CDCA8: variants seen among roughly 807,000 people sequenced by gnomAD.
CDCA8 encodes the protein borealin.
A neutral mutation model predicts 40.0 loss-of-function variants in CDCA8; 25 were observed. The ratio of observed to expected loss-of-function variants is 0.63; its 90% CI spans 0.46 to 0.87. CDCA8 has a LOEUF of 0.87. Among genes scored for constraint, CDCA8 ranks in the 40% least tolerant of loss-of-function variants. CDCA8 has a pLI of 0.00. For synonymous variants in CDCA8, 111 were observed against 126.5 expected, an observed-to-expected ratio of 0.88 and a Z score of 0.82; for missense variants, 280 against 348.4, an observed-to-expected ratio of 0.80 and a Z score of 1.56.
rs557403391 is a variant in CDCA8 at position 37,703,156 on chromosome 1, A to G, written c.489-96A>G. The G allele has an allele frequency of 7.6e-6, 7 of 920,816 alleles. No individual in the cohort carries two copies. In the South Asian group the frequency reaches 9.1e-5, roughly 12 times the overall value. The allele number at this position is 920,816 out of a possible 1,614,324, so 57.0% of individuals were successfully genotyped here. A position where few individuals can be genotyped will look rare whatever the true frequency, so the allele number is the denominator to read the frequency against. On this transcript the variant is annotated intron_variant, in intron 6 of 9. Coordinates refer to ENST00000373055, the MANE Select transcript of CDCA8 (RefSeq NM_001256875.2). ...TCGATGTGTGCGAGGCGCCCGGAGCAGTATCTCACAGTCAGCTCTCCACGT... is the reference window on the plus strand; with the variant it reads ...TCGATGTGTGCGAGGCGCCCGGAGCGGTATCTCACAGTCAGCTCTCCACGT...
Position 37,701,813 on chromosome 1 carries a change from G to A in CDCA8, c.483G>A (p.Gly161=), listed in dbSNP as rs1456112447. ...RTQSIQGKGK[G]KRSSRANTVT... is the part of the protein sequence containing the mutation. ...AGTCCATACAAGGAAAAGGAAAAGG[G>A]AAAAGGTAGTGGATTTTCTAAAGTT... The change falls in exon 6 of 10, where the codon GGG becomes GGA. Residue 161 remains glycine, a synonymous_variant. Transcript: ENST00000373055. 3 of 1,612,364 alleles carry A rather than the reference G, an allele frequency of 1.9e-6. No individual in the cohort carries two copies. The highest frequency in any genetic ancestry group is 2.7e-5 in the African/African-American group (2 of 74,840).
intron 2 of CDCA8, among the ~76,000 whole-genome samples, chr1:37,694,927 G>A (rs568076729): frequency 1.3e-5 from 2 of 152,248 alleles, no homozygotes; most frequent in East Asian, 3.9e-4. Flanking sequence ...CTAGATTTTT[G>A]CCAGAAGCAA....
In CDCA8 at chr1:37,699,576, AAG is replaced by A. The variant is rs1158113513; in HGVS notation, c.337+601_337+602del. 4.9e-3 allele frequency among the ~76,000 whole-genome samples: 676 copies of A among 138,174 alleles called. 9 individuals are homozygous for A. The highest frequency in any genetic ancestry group is 0.017 in the African/African-American group (646 of 37,472). 90.6% of individuals were successfully genotyped at this position (138,174 alleles called of 152,430 possible). A position where few individuals can be genotyped will look rare whatever the true frequency, so the allele number is the denominator to read the frequency against. ...GTGAGACCTTGTCTCTGAAAAAAAAAAGAAAGAAAGAAAGGAAAGGAAAGGAA... is the reference window on the plus strand; with the variant it reads ...GTGAGACCTTGTCTCTGAAAAAAAAAAAAGAAAGAAAGGAAAGGAAAGGAA... On this transcript the variant is annotated intron_variant, in intron 4 of 9. Coordinates refer to ENST00000373055, the MANE Select transcript of CDCA8 (RefSeq NM_001256875.2).
At chr1:37,702,478 T>G (rs1557517836) in intron 6 of CDCA8, among the ~76,000 whole-genome samples, 2 of 152,196 alleles carry the variant, frequency 1.3e-5, no homozygotes, top group African/African-American at 4.8e-5. Context: ...TTGATTATAC[T>G]GGACTCTACC....
rs79842961 is a variant in CDCA8, at chr1:37,701,699, C to G, written c.424-55C>G. On this transcript the variant is annotated intron_variant, in intron 5 of 9. Transcript: ENST00000373055. ...AAAAAAAAAAAAAAAACCCTCCTTA[C>G]CTTCCTCTTTGCTGGGTTTTTTGTA... The G allele has an allele frequency of 2.6e-3, 2,922 of 1,126,878 alleles. 67 individuals carry two copies. The African/African-American group carries it at 0.042, about 16-fold the overall frequency. 69.8% of individuals were successfully genotyped at this position (1,126,878 alleles called of 1,614,324 possible). A position where few individuals can be genotyped will look rare whatever the true frequency, so the allele number is the denominator to read the frequency against.
intron 5 of CDCA8, 31 bp downstream of exon 5, chr1:37,700,552 G>T (rs1472873005): frequency 1.8e-5 from 23 of 1,305,842 alleles, no homozygotes; most frequent in South Asian, 2.4e-5. Flanking sequence ...GAGGCTGGGG[G>T]TTATCACAAG....
At chr1:37,700,560 A>G in intron 5 of CDCA8, 39 bp downstream of exon 5, 1 of 1,185,822 alleles carries the variant, frequency 8.4e-7, no homozygotes, top group Non-Finnish European at 1.3e-6. Flanking sequence ...GGGTTATCAC[A>G]AGACAAGCAA....
In CDCA8 at chr1:37,705,611, G is replaced by C. The variant is rs750771595; in HGVS notation, c.711+44G>C. On this transcript the variant is annotated intron_variant, in intron 8 of 9. Transcript: ENST00000373055. ...AAGCCAGGCCACAGTGTGCTGCTTA[G>C]TCAAGCATTTCTTTTCCCTGGGCCC... 5 of 1,601,714 alleles carry C rather than the reference G, an allele frequency of 3.1e-6. No homozygotes were observed. The South Asian group carries it at 5.5e-5, about 18-fold the overall frequency.
Position 37,692,963 on chromosome 1 carries a change from T to C in CDCA8, c.153T>C (p.Asp51=). 6.2e-7 allele frequency: 1 copy of C among 1,613,968 alleles called. No individual in the cohort carries two copies. Among genetic ancestry groups the C allele is most frequent in the Non-Finnish European group, 8.5e-7 (1 of 1,179,866 alleles). Residue 51 remains aspartate (D), a synonymous_variant, in exon 2 of 10, where the codon GAT becomes GAC. Coordinates refer to ENST00000373055, the MANE Select transcript of CDCA8 (RefSeq NM_001256875.2). ...GGCAGAACCTCCTCAAGGAGGTGGA[T>C]AACCTCTACAACATCGAGATCCTGC... ...SDRQNLLKEV[D]NLYNIEILRL...
chr1:37,704,682 C>G (rs1645587437), intron 7 of CDCA8, among the ~76,000 whole-genome samples: 1 of 121,332 alleles, frequency 8.2e-6, no homozygotes. Context: ...GAGTCTCGCT[C>G]TGTCACCCAG....
chr1:37,705,267 G>C (rs911685195), intron 7 of CDCA8, among the ~76,000 whole-genome samples, 174 bp from the exon 8 acceptor site: 1 of 152,148 alleles, frequency 6.6e-6, no homozygotes, highest in South Asian at 2.1e-4. Context: ...TTCTCCAGCT[G>C]TGTTTAGTCA....
rs776929017 is a variant in CDCA8 at position 37,696,717 on chromosome 1, T to C, written c.264+767T>C. Among the ~76,000 whole-genome samples the C allele has an allele frequency of 6.6e-5, 10 of 152,242 alleles. No individual in the cohort carries two copies. Among genetic ancestry groups the C allele is most frequent in the Non-Finnish European group, 1.3e-4 (9 of 68,048 alleles). On this transcript the variant is annotated intron_variant, in intron 3 of 9. Transcript: ENST00000373055. The surrounding 1 kb of genome is among the most constrained non-coding windows in gnomAD (Gnocchi z 5.0). ...TGCACGCATTTGTGTATCTTTCTGT[T>C]AGTTTATTGTAGCCTTGATCAGATT...
rs1444279432 is a variant in CDCA8, at chr1:37,696,396, T to C, written c.264+446T>C. Among the ~76,000 whole-genome samples the C allele has an allele frequency of 2.0e-5, 3 of 152,216 alleles. No homozygotes were observed. Among genetic ancestry groups the C allele is most frequent in the Non-Finnish European group, 4.4e-5 (3 of 68,046 alleles). On this transcript the variant is annotated intron_variant, in intron 3 of 9. Coordinates refer to ENST00000373055, the MANE Select transcript of CDCA8 (RefSeq NM_001256875.2). The surrounding 1 kb of genome is among the most constrained non-coding windows in gnomAD (Gnocchi z 5.0). ...AGGATTGAAGGCAGTAAGATGGGGA[T>C]GCAAAATAGAGCATTTAAAGCTGCA...
At chr1:37,707,853 C>T (rs530558) in intron 9 of CDCA8, among the ~76,000 whole-genome samples, 73,912 of 152,090 alleles carry the variant, frequency 0.49, 18,239 homozygotes, top group East Asian at 0.71. Context: ...TTTAATTTAA[C>T]TGAAGAATGT....
intron 4 of CDCA8, among the ~76,000 whole-genome samples, chr1:37,699,567 G>GA (rs1237990893): frequency 5.6e-4 from 78 of 139,760 alleles, no homozygotes; most frequent in Non-Finnish European, 1.1e-3. Flanking sequence ...CCTTGTCTCT[G>GA]AAAAAAAAAA....
At position 37,696,020 on chromosome 1, in the gene CDCA8, A is replaced by G; in HGVS notation, c.264+70A>G. ...AGTCCAGTCCCCAGATCCAACTAAT[A>G]GATGCTTACTGTGGAAGAGGTTTCA... On this transcript the variant is annotated intron_variant, in intron 3 of 9. Coordinates refer to ENST00000373055, the MANE Select transcript of CDCA8 (RefSeq NM_001256875.2). The surrounding 1 kb of genome is among the most constrained non-coding windows in gnomAD (Gnocchi z 5.0). 1 of 1,345,488 alleles carries G rather than the reference A, an allele frequency of 7.4e-7. No homozygotes were observed. Among genetic ancestry groups the G allele is most frequent in the Non-Finnish European group, 1.1e-6 (1 of 941,702 alleles). 83.3% of individuals were successfully genotyped at this position (1,345,488 alleles called of 1,614,324 possible). A position where few individuals can be genotyped will look rare whatever the true frequency, so the allele number is the denominator to read the frequency against.
At position 37,709,474 on chromosome 1, in the gene CDCA8, A is replaced by T. The variant is rs1645624756; in HGVS notation, c.*1108A>T. 6.6e-6 allele frequency: 1 copy of T among 152,054 alleles called. No individual in the cohort carries two copies. Among genetic ancestry groups the T allele is most frequent in the South Asian group, 2.1e-4 (1 of 4,788 alleles). 9.4% of individuals were successfully genotyped at this position (152,054 alleles called of 1,614,324 possible). ...TAAGAATTTGAGAACTAGAGTCCTCATCCCCAGGCTTGAAGGCACATGGCT... is the reference window on the plus strand; with the variant it reads ...TAAGAATTTGAGAACTAGAGTCCTCTTCCCCAGGCTTGAAGGCACATGGCT... On this transcript the variant is annotated 3_prime_UTR_variant, in exon 10 of 10. Coordinates refer to ENST00000373055, the MANE Select transcript of CDCA8 (RefSeq NM_001256875.2).
chr1:37,698,766 GC>G (rs3842536), intron 3 of CDCA8, 138 bp from the exon 4 acceptor site: 151,149 of 619,174 alleles, frequency 0.24, 23,393 homozygotes, highest in East Asian at 0.67. Flanking sequence ...ATGGGAGTTT[GC>G]TATATTGTAT....
At position 37,708,307 on chromosome 1, in the gene CDCA8, T is replaced by C. The variant is rs752216660; in HGVS notation, c.799-15T>C. 47 of 1,601,368 alleles carry C rather than the reference T, an allele frequency of 2.9e-5. No homozygotes were observed. The highest frequency in any genetic ancestry group is 4.0e-5 in the Non-Finnish European group (47 of 1,176,816). On this transcript the variant is annotated splice_polypyrimidine_tract_variant and intron_variant, in intron 9 of 9. Transcript: ENST00000373055. ...GTGACATCTTCTACAATGACCTCTC[T>C]CCTTTTCTTTTTAGAACCGTCTCGC...
Sources: gnomAD v4.1 joint callset for allele counts (sites outside exome capture counted in the v4.1 genomes callset) on GRCh38, gnomAD v4.1.1 for gene constraint, Gnocchi (gnomAD v3.1) non-coding constraint, MANE v1.5 for transcripts, NCBI Gene and HGNC (gene_info 2026-07-23, HGNC 2026-07-21) for gene names.